BAZ2B: variants seen among roughly 807,000 people sequenced by gnomAD.
The protein encoded by BAZ2B is bromodomain adjacent to zinc finger domain protein 2B.
In BAZ2B, 91 loss-of-function variants were observed where a neutral mutation model predicts 246.0. That is an observed-to-expected ratio of 0.37 (90% CI 0.31 to 0.44). The LOEUF is 0.44. Among genes scored for constraint, BAZ2B ranks in the 20% least tolerant of loss-of-function variants. The pLI, the probability that BAZ2B is intolerant of heterozygous loss-of-function variation, is 1.00. For synonymous variants in BAZ2B, 855 were observed against 860.0 expected (o/e 0.99, Z 0.10); for missense variants, 2,332 against 2,533.7 (o/e 0.92, Z 1.71).
At chr2:159,622,518 T>C in the BAZ2B span, among the ~76,000 whole-genome samples, 1 of 152,176 alleles carries the variant, frequency 6.6e-6, no homozygotes, top group East Asian at 1.9e-4. Flanking sequence ...TAAATCTTAC[T>C]ACATAAAATA....
the BAZ2B span, among the ~76,000 whole-genome samples, chr2:159,656,379 T>A: frequency 6.6e-6 from 1 of 152,166 alleles, no homozygotes; most frequent in African/African-American, 2.4e-5. Context: ...ATGTTTTCTG[T>A]TGCTTTGCAT....
intron 1 of BAZ2B, among the ~76,000 whole-genome samples, chr2:159,557,689 T>TGCTCCATGAA (rs1422345336): frequency 5.3e-5 from 8 of 152,198 alleles, no homozygotes; most frequent in Admixed American, 1.3e-4. Flanking sequence ...GGAAGATCAC[T>TGCTCCATGAA]GGAGCACAAG....
At chr2:159,490,029 G>T (rs2080268874) in intron 2 of BAZ2B, among the ~76,000 whole-genome samples, 1 of 152,028 alleles carries the variant, frequency 6.6e-6, no homozygotes, top group South Asian at 2.1e-4. Flanking sequence ...CATTATATTG[G>T]TTTTCACCTA....
intron 1 of BAZ2B, among the ~76,000 whole-genome samples, chr2:159,565,764 G>A (rs1478857766): frequency 1.5e-5 from 2 of 133,718 alleles, no homozygotes; most frequent in African/African-American, 2.8e-5. Flanking sequence ...GCAACAGAGT[G>A]AGACTCCCAT....
chr2:159,366,995 A>G (rs940396187), intron 27 of BAZ2B, among the ~76,000 whole-genome samples: 5 of 152,038 alleles, frequency 3.3e-5, no homozygotes, highest in African/African-American at 1.2e-4. Context: ...TGTTCCCAAG[A>G]CCCATCAGCA....
intron 1 of BAZ2B, among the ~76,000 whole-genome samples, chr2:159,607,262 G>C (rs940339209): frequency 3.9e-5 from 6 of 152,092 alleles, no homozygotes; most frequent in Non-Finnish European, 7.4e-5. Context: ...TTTTGAGCCA[G>C]AGCCATCATC....
intron 35 of BAZ2B, 111 bp from the exon 36 acceptor site, chr2:159,325,065 T>TC (rs2063358327): frequency 5.9e-4 from 1 of 1,704 alleles, no homozygotes; most frequent in Non-Finnish European, 1.3e-3. Flanking sequence ...ATATATTATA[T>TC]ATATATATAT....
chr2:159,601,838 A>G (rs1232357504), intron 1 of BAZ2B, among the ~76,000 whole-genome samples: 1 of 152,258 alleles, frequency 6.6e-6, no homozygotes, highest in Non-Finnish European at 1.5e-5. Flanking sequence ...AATCATTTCC[A>G]AAGTCAGGAA....
intron 36 of BAZ2B, among the ~76,000 whole-genome samples, chr2:159,323,799 CT>C (rs1166696166): frequency 8.8e-6 from 1 of 113,044 alleles, no homozygotes; most frequent in Non-Finnish European, 2.2e-5. Context: ...GTGAAACTCT[CT>C]CAAAAAAAAA....
chr2:159,585,548 G>A (rs1333519031), intron 1 of BAZ2B, among the ~76,000 whole-genome samples: 1 of 152,120 alleles, frequency 6.6e-6, no homozygotes, highest in African/African-American at 2.4e-5. Context: ...AAATCCAACT[G>A]GATTGGATAA....
At chr2:159,608,523 C>T (rs1694024501) in intron 1 of BAZ2B, among the ~76,000 whole-genome samples, 1 of 152,184 alleles carries the variant, frequency 6.6e-6, no homozygotes, top group African/African-American at 2.4e-5. Flanking sequence ...CCCTCTTCAT[C>T]AAGAAGTGGG....
At chr2:159,613,628 A>G (rs1421524657) in intron 1 of BAZ2B, among the ~76,000 whole-genome samples, 1 of 152,186 alleles carries the variant, frequency 6.6e-6, no homozygotes, top group Non-Finnish European at 1.5e-5. Context: ...TAATATGTAC[A>G]GTGTTTACAA....
chr2:159,372,961 A>G, intron 27 of BAZ2B, 84 bp downstream of exon 27: 1 of 1,426,350 alleles, frequency 7.0e-7, no homozygotes, highest in South Asian at 1.4e-5. Context: ...GATTATGGGA[A>G]CACAAAATAT....
At chr2:159,435,769 C>T (rs763208831) in intron 8 of BAZ2B, among the ~76,000 whole-genome samples, 5 of 152,290 alleles carry the variant, frequency 3.3e-5, no homozygotes, top group East Asian at 3.9e-4. Flanking sequence ...GGATTATAGG[C>T]GAGAGCCACC....
At chr2:159,690,319 G>A in the BAZ2B span, 284 of 233,656 alleles carry the variant, frequency 1.2e-3, no homozygotes, top group Non-Finnish European at 2.1e-3. Flanking sequence ...GCCAACTGCC[G>A]TGGTGCTGCT....
intron 8 of BAZ2B, chr2:159,434,076 G>A (rs1016856948): frequency 6.6e-6 from 1 of 152,012 alleles, no homozygotes; most frequent in Non-Finnish European, 1.5e-5. Flanking sequence ...CAGCATCAAG[G>A]GATTATTGTA....
At chr2:159,475,669 T>G (rs1331602302) in intron 3 of BAZ2B, among the ~76,000 whole-genome samples, 1 of 152,184 alleles carries the variant, frequency 6.6e-6, no homozygotes, top group Non-Finnish European at 1.5e-5. Context: ...TTTGCGCTGG[T>G]TTTTCCTCAT....
At chr2:159,332,412 A>G (rs916143531) in intron 34 of BAZ2B, 128 bp downstream of exon 34, 8 of 889,818 alleles carry the variant, frequency 9.0e-6, no homozygotes, top group Non-Finnish European at 1.3e-5. Flanking sequence ...GCTTGAGCCC[A>G]GGAGTTTTAG....
At chr2:159,611,069 A>T (rs66960860) in intron 1 of BAZ2B, among the ~76,000 whole-genome samples, 20,946 of 151,914 alleles carry the variant, frequency 0.14, 1,660 homozygotes, top group East Asian at 0.36. Context: ...TATATTTATT[A>T]CCCATAATTT....
Sources: allele counts gnomAD v4.1 joint callset (sites outside exome capture counted in the v4.1 genomes callset), GRCh38; gene constraint gnomAD v4.1.1; transcripts MANE v1.5; gene names NCBI Gene and HGNC (gene_info 2026-07-23, HGNC 2026-07-21).